The following CXCR3 variants were observed in gnomAD, a reference collection of about 807,000 sequenced individuals.
CXCR3 encodes the protein C-X-C chemokine receptor type 3.
For missense variants in CXCR3, 239 were observed against 310.2 expected, an observed-to-expected ratio of 0.77 and a Z score of 1.72; for synonymous variants, 136 against 148.0, an observed-to-expected ratio of 0.92 and a Z score of 0.59.
intron 1 of CXCR3, 39 bp downstream of exon 1, chrX:71,618,399 T>G: frequency 1.7e-6 from 2 of 1,211,727 alleles, no homozygotes; most frequent in Non-Finnish European, 2.2e-6. Flanking sequence ...GTTTTCCACT[T>G]CGAATTCTGG....
Position 71,616,157 on chromosome X carries a change from G to A in CXCR3, c.*208C>T. On this transcript the variant is annotated 3_prime_UTR_variant, in exon 2 of 2. Transcript: ENST00000373693. ...GGGCTCCAGGCAGCCACCTCGGGCG[G>A]CAGGATGGGGCTTGGCAGCTAAGGA... 1 of 462,187 alleles carries A rather than the reference G, an allele frequency of 2.2e-6. No individual in the cohort carries two copies. Among genetic ancestry groups the A allele is most frequent in the Non-Finnish European group, 3.4e-6 (1 of 297,354 alleles). 38.1% of individuals were successfully genotyped at this position (462,187 alleles called of 1,213,427 possible).
At chrX:71,618,269 G>C in intron 1 of CXCR3, 169 bp downstream of exon 1, 1 of 436,934 alleles carries the variant, frequency 2.3e-6, no homozygotes, top group Non-Finnish European at 2.8e-6. Context: ...CAGTGGCCAA[G>C]CTGGGTTCCC....
Position 71,616,875 on chromosome X carries a change from G to A in CXCR3, c.597C>T (p.Asn199=). 1.7e-6 allele frequency: 2 copies of A among 1,208,729 alleles called. No individual in the cohort carries two copies. The highest frequency in any genetic ancestry group is 2.2e-6 in the Non-Finnish European group (2 of 893,489). Reference sequence around the variant, plus strand: ...GGAAGTTGTATTGGCAGTGGGTGGCGTTGAGGCGCTCGTCGTGGTGGGCCG... The same window carrying A: ...GGAAGTTGTATTGGCAGTGGGTGGCATTGAGGCGCTCGTCGTGGTGGGCCG... ...FLSAHHDERL[N]ATHCQYNFPQ... The change falls in exon 2 of 2, where the codon AAC becomes AAT. Residue 199 remains asparagine (N), a synonymous_variant. Transcript: ENST00000373693.
Position 71,616,353 on chromosome X carries a change from C to T in CXCR3, c.*12G>A, listed in dbSNP as rs774050949. ...TCAGACTGTGGGCGAAAGGGGAGCCCGGATTCCGGCCTCACAAGCCCGAGT... is the reference window on the plus strand; with the variant it reads ...TCAGACTGTGGGCGAAAGGGGAGCCTGGATTCCGGCCTCACAAGCCCGAGT... On this transcript the variant is annotated 3_prime_UTR_variant, in exon 2 of 2. Transcript: ENST00000373693. 11 of 1,167,152 alleles carry T rather than the reference C, an allele frequency of 9.4e-6. No individual in the cohort carries two copies. The highest frequency in any genetic ancestry group is 2.5e-5 in the Admixed American group (1 of 40,784).
At position 71,618,509 on chromosome X, in the gene CXCR3, T is replaced by C; in HGVS notation, c.-60A>G. On this transcript the variant is annotated 5_prime_UTR_variant, in exon 1 of 2. Coordinates refer to ENST00000373693, the MANE Select transcript of CXCR3 (RefSeq NM_001504.2). Reference sequence around the variant, plus strand: ...CTGCCTGCCCCTCTGCTTTGGTGCTTGTGGTTGGAAACCTGCAGTCACAGA... The same window carrying C: ...CTGCCTGCCCCTCTGCTTTGGTGCTCGTGGTTGGAAACCTGCAGTCACAGA... 1 of 915,054 alleles carries C rather than the reference T, an allele frequency of 1.1e-6. No homozygotes were observed. Among genetic ancestry groups the C allele is most frequent in the Non-Finnish European group, 1.6e-6 (1 of 627,439 alleles). 75.4% of individuals were successfully genotyped at this position (915,054 alleles called of 1,213,427 possible). A position where few individuals can be genotyped will look rare whatever the true frequency, so the allele number is the denominator to read the frequency against.
At chrX:71,617,737 A>C (rs1489931244) in intron 1 of CXCR3, 4 of 1,067,949 alleles carry the variant, frequency 3.7e-6, no homozygotes, top group Non-Finnish European at 4.9e-6. Context: ...TCCAGTGCCC[A>C]GAGCCCTCTC....
At position 71,616,743 on chromosome X, in the gene CXCR3, C is replaced by T; in HGVS notation, c.729G>A (p.Leu243=). The T allele has an allele frequency of 8.3e-7, 1 of 1,207,176 alleles. No homozygotes were observed. The highest frequency in any genetic ancestry group is 1.1e-6 in the Non-Finnish European group (1 of 893,156). ...GCAGGCGCCGCTGGCCCCTGGAAAC[C>T]AGCAGCACGGCCAGGATGTGGGCAT... is the stretch of plus-strand genomic sequence containing the variant. ...YCYAHILAVL[L]VSRGQRRLRA... is the part of the protein sequence containing the mutation. Residue 243 remains leucine, a synonymous_variant, in exon 2 of 2, where the codon CTG becomes CTA. Coordinates refer to ENST00000373693, the MANE Select transcript of CXCR3 (RefSeq NM_001504.2).
At chrX:71,618,320 C>T in intron 1 of CXCR3, 118 bp downstream of exon 1, 1 of 1,157,397 alleles carries the variant, frequency 8.6e-7, no homozygotes, top group South Asian at 1.8e-5. Context: ...ATGCGGCCTC[C>T]AGCTACTCAC....
Position 71,616,890 on chromosome X carries a change from G to C in CXCR3, c.582C>G (p.His194Gln), listed in dbSNP as rs1409089658. 8.3e-7 allele frequency: 1 copy of C among 1,207,180 alleles called. No individual in the cohort carries two copies. Among genetic ancestry groups the C allele is most frequent in the Non-Finnish European group, 1.1e-6 (1 of 892,577 alleles). The change falls in exon 2 of 2, where the codon CAC (histidine) becomes CAG (glutamine). Residue 194 changes from histidine to glutamine, a missense_variant. Physicochemically the swap from His to Gln is conservative, Grantham distance 24. Coordinates refer to ENST00000373693, the MANE Select transcript of CXCR3 (RefSeq NM_001504.2). ...LPDFIFLSAH[H>Q]DERLNATHCQ... ...AGTGGGTGGCGTTGAGGCGCTCGTCGTGGTGGGCCGACAGGAAGATGAAGT... is the reference window on the plus strand; with the variant it reads ...AGTGGGTGGCGTTGAGGCGCTCGTCCTGGTGGGCCGACAGGAAGATGAAGT...
chrX:71,616,878 G>A lies in CXCR3; in HGVS notation c.594C>T (p.Leu198=), dbSNP rs770515331. The A allele has an allele frequency of 2.5e-6, 3 of 1,207,060 alleles. No individual in the cohort carries two copies. The African/African-American group carries it at 5.2e-5, about 21-fold the overall frequency. Residue 198 remains leucine, a synonymous_variant, in exon 2 of 2, where the codon CTC becomes CTT. Transcript: ENST00000373693. Reference sequence around the variant, plus strand: ...AGTTGTATTGGCAGTGGGTGGCGTTGAGGCGCTCGTCGTGGTGGGCCGACA... The same window carrying A: ...AGTTGTATTGGCAGTGGGTGGCGTTAAGGCGCTCGTCGTGGTGGGCCGACA... ...IFLSAHHDER[L]NATHCQYNFP... is the part of the protein sequence containing the mutation.
Position 71,616,898 on chromosome X carries a change from C to T in CXCR3, c.574G>A (p.Ala192Thr). Residue 192 changes from alanine to threonine, a missense_variant, in exon 2 of 2, where the codon GCC becomes ACC. Physicochemically the swap from Ala to Thr is moderately conservative, Grantham distance 58. Transcript: ENST00000373693. ...FALPDFIFLS[A>T]HHDERLNATH... ...GCGTTGAGGCGCTCGTCGTGGTGGG[C>T]CGACAGGAAGATGAAGTCTGGGAGG... is the stretch of plus-strand genomic sequence containing the variant. The T allele has an allele frequency of 8.3e-7, 1 of 1,206,670 alleles. No homozygotes were observed. Among genetic ancestry groups the T allele is most frequent in the Non-Finnish European group, 1.1e-6 (1 of 892,265 alleles).
Position 71,616,609 on chromosome X carries a change from C to T in CXCR3, c.863G>A (p.Arg288His), listed in dbSNP as rs764381576. Residue 288 changes from arginine to histidine, a missense_variant, in exon 2 of 2, where the codon CGC (arginine) becomes CAC (histidine). Coordinates refer to ENST00000373693, the MANE Select transcript of CXCR3 (RefSeq NM_001504.2). Reference sequence around the variant, plus strand: ...TACCCTGCTTTCTCGGCCACAGTTGCGGGCCAAAGCGCCCAGGTCCATGAG... The same window carrying T: ...TACCCTGCTTTCTCGGCCACAGTTGTGGGCCAAAGCGCCCAGGTCCATGAG... ...DILMDLGALARNCGRESRVDV... is the reference protein window; with the variant it reads ...DILMDLGALAHNCGRESRVDV... 1.7e-6 allele frequency: 2 copies of T among 1,211,978 alleles called. No homozygotes were observed. The highest frequency in any genetic ancestry group is 2.2e-6 in the Non-Finnish European group (2 of 895,561).
In CXCR3 at chrX:71,616,757, G is replaced by A; in HGVS notation, c.715C>T (p.Leu239=). Reference sequence around the variant, plus strand: ...CCCCTGGAAACCAGCAGCACGGCCAGGATGTGGGCATAGCAGTAGGCCATG... The same window carrying A: ...CCCCTGGAAACCAGCAGCACGGCCAAGATGTGGGCATAGCAGTAGGCCATG... The part of the protein sequence containing the change: ...LVMAYCYAHI[L]AVLLVSRGQR... The change falls in exon 2 of 2, where the codon CTG becomes TTG. Residue 239 remains leucine (L), a synonymous_variant. Transcript: ENST00000373693. 8.3e-7 allele frequency: 1 copy of A among 1,206,961 alleles called. No individual in the cohort carries two copies. The highest frequency in any genetic ancestry group is 1.1e-6 in the Non-Finnish European group (1 of 893,092).
chrX:71,616,079 C>T lies in CXCR3; in HGVS notation c.*286G>A, dbSNP rs1186420339. On this transcript the variant is annotated 3_prime_UTR_variant, in exon 2 of 2. Transcript: ENST00000373693. ...AGCACCCTCTACGCCATGCCTTGTA[C>T]TCCCCGCACTTGGGGAAGATGAAGT... is the stretch of plus-strand genomic sequence containing the variant. 1.2e-5 allele frequency: 4 copies of T among 332,462 alleles called. No homozygotes were observed. Among genetic ancestry groups the T allele is most frequent in the Non-Finnish European group, 2.1e-5 (4 of 193,255 alleles). The allele number at this position is 332,462 out of a possible 1,213,427, so 27.4% of individuals were successfully genotyped here.
chrX:71,617,039 T>C lies in CXCR3; in HGVS notation c.433A>G (p.Ile145Val). ...ATGTTCAGGTAGCGGTCAAAGCTGA[T>C]GCAGGCCAGCAGGAGGGCTCCTGCG... ...FYAGALLLAC[I>V]SFDRYLNIVH... is the part of the protein sequence containing the mutation. The change falls in exon 2 of 2, where the codon ATC becomes GTC. Residue 145 changes from isoleucine (I) to valine (V), a missense_variant. Ile to Val is a conservative substitution (Grantham distance 29). Transcript: ENST00000373693. The C allele has an allele frequency of 1.7e-6, 2 of 1,207,131 alleles. No individual in the cohort carries two copies. The highest frequency in any genetic ancestry group is 2.2e-6 in the Non-Finnish European group (2 of 892,767).
In CXCR3 at chrX:71,617,129, C is replaced by G. The variant is rs760864060; in HGVS notation, c.343G>C (p.Val115Leu). The G allele has an allele frequency of 8.3e-7, 1 of 1,205,449 alleles. No individual in the cohort carries two copies. Among genetic ancestry groups the G allele is most frequent in the Middle Eastern group, 2.3e-4 (1 of 4,335 alleles). ...TLPLWAVDAA[V>L]QWVFGSGLCK... Reference sequence around the variant, plus strand: ...AGGCCAGAGCCAAAGACCCACTGGACGGCAGCGTCCACTGCCCAGAGCGGC... The same window carrying G: ...AGGCCAGAGCCAAAGACCCACTGGAGGGCAGCGTCCACTGCCCAGAGCGGC... The change falls in exon 2 of 2, where the codon GTC (valine) becomes CTC (leucine). Residue 115 changes from valine (V) to leucine (L), a missense_variant. Val to Leu is a conservative substitution (Grantham distance 32). Transcript: ENST00000373693.
chrX:71,616,968 C>G lies in CXCR3; in HGVS notation c.504G>C (p.Val168=). The change falls in exon 2 of 2, where the codon GTG becomes GTC. Residue 168 remains valine, a synonymous_variant. Transcript: ENST00000373693. ...QLYRRGPPAR[V]TLTCLAVWGL... ...CCCAGACAGCCAGGCAGGTGAGGGT[C>G]ACGCGGGCCGGGGGCCCCCGGCGGT... 2.5e-6 allele frequency: 3 copies of G among 1,207,951 alleles called. No homozygotes were observed. The East Asian group carries it at 8.9e-5, about 36-fold the overall frequency.
intron 1 of CXCR3, chrX:71,618,232 A>C: frequency 7.9e-6 from 1 of 127,127 alleles, no homozygotes; most frequent in Non-Finnish European, 1.3e-5. Flanking sequence ...CACCGAAGCC[A>C]GAGAGGAGAG....
chrX:71,616,985 C>G lies in CXCR3; in HGVS notation c.487G>C (p.Gly163Arg). The change falls in exon 2 of 2, where the codon GGG (glycine) becomes CGG (arginine). Residue 163 changes from glycine to arginine, a missense_variant. Gly to Arg is a moderately radical substitution (Grantham distance 125, BLOSUM62 -2). Transcript: ENST00000373693. ...IVHATQLYRRGPPARVTLTCL... is the reference protein window; with the variant it reads ...IVHATQLYRRRPPARVTLTCL... ...GTGAGGGTCACGCGGGCCGGGGGCC[C>G]CCGGCGGTAGAGCTGGGTGGCATGA... The G allele has an allele frequency of 8.3e-7, 1 of 1,208,452 alleles. No homozygotes were observed.
Sources: allele counts gnomAD v4.1 joint callset, GRCh38; gene constraint gnomAD v4.1.1; transcripts MANE v1.5; gene names NCBI Gene and HGNC (gene_info 2026-07-23, HGNC 2026-07-21).